CMSS1: variants seen among roughly 807,000 people sequenced by gnomAD.
CMSS1 encodes cms1 ribosomal small subunit homolog.
A neutral mutation model predicts 43.5 loss-of-function variants in CMSS1; 33 were observed. That is an observed-to-expected ratio of 0.76 (90% CI 0.57 to 1.01). The LOEUF is 1.01. CMSS1 is among the 50% of genes least tolerant of loss of function. CMSS1 has a pLI of 0.00. For synonymous variants in CMSS1, 115 were observed against 117.2 expected (o/e 0.98, Z 0.12); for missense variants, 313 against 326.4 (o/e 0.96, Z 0.32).
intron 4 of CMSS1, among the ~76,000 whole-genome samples, chr3:100,163,120 G>A (rs970917832): frequency 2.0e-5 from 3 of 152,170 alleles, no homozygotes; most frequent in African/African-American, 7.2e-5. Flanking sequence ...ATTTGTGATT[G>A]TATTTTTTTA....
intron 1 of CMSS1, among the ~76,000 whole-genome samples, chr3:99,975,742 A>AT (rs1359714420): frequency 6.6e-6 from 1 of 152,242 alleles, no homozygotes; most frequent in Non-Finnish European, 1.5e-5. Flanking sequence ...GTATATACTC[A>AT]TATCAAGGTC....
At chr3:100,021,958 T>TGA (rs1466622023) in intron 1 of CMSS1, among the ~76,000 whole-genome samples, 146 of 94,916 alleles carry the variant, frequency 1.5e-3, no homozygotes, top group African/African-American at 3.3e-3. Flanking sequence ...TGTGTGTGTG[T>TGA]GTGAGAGAGA....
intron 1 of CMSS1, among the ~76,000 whole-genome samples, chr3:100,003,603 G>T (rs1339119883): frequency 6.6e-6 from 1 of 152,130 alleles, no homozygotes; most frequent in Non-Finnish European, 1.5e-5. Flanking sequence ...ACTAAGTACA[G>T]TGTTTTTTCC....
intron 1 of CMSS1, among the ~76,000 whole-genome samples, chr3:99,912,467 C>G (rs1372625356): frequency 6.6e-6 from 1 of 152,134 alleles, no homozygotes; most frequent in Admixed American, 6.5e-5. Flanking sequence ...GCCTTGACCT[C>G]CCTGGACTCA....
At chr3:99,973,939 G>A (rs114219857) in intron 1 of CMSS1, among the ~76,000 whole-genome samples, 1,771 of 152,270 alleles carry the variant, frequency 0.012, 18 homozygotes, top group African/African-American at 0.026. Context: ...ATTGTTTTCT[G>A]TTTTATCCCA....
intron 1 of CMSS1, among the ~76,000 whole-genome samples, chr3:99,883,060 C>T (rs746909330): frequency 6.6e-6 from 1 of 152,146 alleles, no homozygotes; most frequent in African/African-American, 2.4e-5. Context: ...CACTAAGCAT[C>T]CAGTCTACAT....
At chr3:99,973,353 T>C (rs1207753510) in intron 1 of CMSS1, among the ~76,000 whole-genome samples, 1 of 152,240 alleles carries the variant, frequency 6.6e-6, no homozygotes, top group Non-Finnish European at 1.5e-5. Context: ...CAAAAACTGG[T>C]ATGTTTTAAT....
At chr3:100,106,768 T>A (rs1169048141) in intron 1 of CMSS1, among the ~76,000 whole-genome samples, 1 of 152,182 alleles carries the variant, frequency 6.6e-6, no homozygotes, top group Non-Finnish European at 1.5e-5. Context: ...TGTGTCTAAC[T>A]GGTGGTTGTA....
At chr3:99,906,105 G>T (rs1486961290) in intron 1 of CMSS1, among the ~76,000 whole-genome samples, 1 of 152,076 alleles carries the variant, frequency 6.6e-6, no homozygotes, top group African/African-American at 2.4e-5. Flanking sequence ...GAGGTGGGAG[G>T]ATCGCTTGAG....
intron 1 of CMSS1, among the ~76,000 whole-genome samples, chr3:100,013,037 TTTTG>T (rs747855220): frequency 5.3e-5 from 8 of 151,956 alleles, no homozygotes; most frequent in Non-Finnish European, 1.0e-4. Flanking sequence ...CAGCCAATTT[TTTTG>T]TTTGTTTGTT....
intron 8 of CMSS1, among the ~76,000 whole-genome samples, chr3:100,175,612 A>G (rs1305923021): frequency 2.0e-5 from 3 of 152,206 alleles, no homozygotes; most frequent in Non-Finnish European, 4.4e-5. Flanking sequence ...CTACAGGGAA[A>G]AGCTGAGGGG....
chr3:99,991,415 A>G (rs1486988014), intron 1 of CMSS1, among the ~76,000 whole-genome samples: 1 of 152,004 alleles, frequency 6.6e-6, no homozygotes, highest in African/African-American at 2.4e-5. Flanking sequence ...ATATGAAGTG[A>G]TTTTATAATT....
intron 1 of CMSS1, among the ~76,000 whole-genome samples, chr3:99,894,726 A>G (rs1706194088): frequency 6.6e-6 from 1 of 152,222 alleles, no homozygotes; most frequent in South Asian, 2.1e-4. Flanking sequence ...AAGGAAGCTT[A>G]CTCAACCCAT....
chr3:100,030,377 C>T (rs1287964606), intron 1 of CMSS1, among the ~76,000 whole-genome samples: 4 of 152,124 alleles, frequency 2.6e-5, no homozygotes, highest in Non-Finnish European at 4.4e-5. Context: ...GAAACTTGGA[C>T]TCATTGTCCT....
At chr3:100,147,909 T>C (rs2066867797) in intron 2 of CMSS1, among the ~76,000 whole-genome samples, 1 of 152,236 alleles carries the variant, frequency 6.6e-6, no homozygotes, top group Admixed American at 6.5e-5. Context: ...TTAATCTTCC[T>C]ACTGACTTTA....
intron 1 of CMSS1, among the ~76,000 whole-genome samples, chr3:99,913,395 G>C (rs1479407154): frequency 1.3e-5 from 2 of 152,182 alleles, no homozygotes; most frequent in Non-Finnish European, 2.9e-5. Context: ...TATCGTAGTG[G>C]ATATGAAGTG....
chr3:100,008,664 A>G (rs1373751824), intron 1 of CMSS1, among the ~76,000 whole-genome samples: 3 of 152,256 alleles, frequency 2.0e-5, no homozygotes, highest in Non-Finnish European at 4.4e-5. Flanking sequence ...AGTCTATTGC[A>G]CAGCAACATT....
At chr3:100,046,203 A>C (rs189933673) in intron 1 of CMSS1, among the ~76,000 whole-genome samples, 1 of 152,280 alleles carries the variant, frequency 6.6e-6, no homozygotes, top group South Asian at 2.1e-4. Flanking sequence ...AATCCTGAAT[A>C]CTTGAAACTG....
intron 1 of CMSS1, among the ~76,000 whole-genome samples, chr3:100,006,692 G>A (rs1709997390): frequency 6.6e-6 from 1 of 151,412 alleles, no homozygotes; most frequent in Non-Finnish European, 1.5e-5. Flanking sequence ...GTTGCACTCA[G>A]CCCTTAGCAT....
Sources: allele counts gnomAD v4.1 joint callset (sites outside exome capture counted in the v4.1 genomes callset), GRCh38; gene constraint gnomAD v4.1.1; transcripts MANE v1.5; gene names NCBI Gene and HGNC (gene_info 2026-07-23, HGNC 2026-07-21).